GRXCR2: variants seen among roughly 807,000 people sequenced by gnomAD.
GRXCR2 encodes glutaredoxin domain-containing cysteine-rich protein 2.
GRXCR2 carries 23 observed loss-of-function variants against 24.8 expected under a neutral mutation model. The observed-to-expected ratio is 0.93, with a 90% CI of 0.67 to 1.32. GRXCR2 has a LOEUF of 1.32. Among genes scored for constraint, GRXCR2 ranks in the 40% most tolerant of loss-of-function variants. The pLI, the probability that GRXCR2 is intolerant of heterozygous loss-of-function variation, is 0.00. For synonymous variants in GRXCR2, 130 were observed against 116.1 expected (o/e 1.12, Z -0.77); for missense variants, 315 against 303.4 (o/e 1.04, Z -0.28).
chr5:145,890,754 C>G (rs562766778), intron 2 of GRXCR2, among the ~76,000 whole-genome samples: 1 of 151,424 alleles, frequency 6.6e-6, no homozygotes, highest in South Asian at 2.1e-4. Flanking sequence ...ATGATATGCT[C>G]AAAATTTCAC....
intron 2 of GRXCR2, among the ~76,000 whole-genome samples, chr5:145,920,433 C>G (rs1281032986): frequency 6.6e-6 from 1 of 152,216 alleles, no homozygotes; most frequent in Non-Finnish European, 1.5e-5. Context: ...TCACTGAATC[C>G]TCACAATGAC....
intron 2 of GRXCR2, among the ~76,000 whole-genome samples, chr5:145,864,029 A>T (rs757390048): frequency 2.0e-5 from 3 of 152,194 alleles, no homozygotes; most frequent in Non-Finnish European, 4.4e-5. Context: ...AGCAAACACC[A>T]ACCAAATAAT....
intron 2 of GRXCR2, among the ~76,000 whole-genome samples, chr5:145,878,059 C>T (rs1756645564): frequency 6.6e-6 from 1 of 152,116 alleles, no homozygotes; most frequent in South Asian, 2.1e-4. Context: ...CATCAAAGAC[C>T]AAAGGTAGAT....
At chr5:145,896,889 G>T (rs1026787952) in intron 2 of GRXCR2, among the ~76,000 whole-genome samples, 11 of 152,070 alleles carry the variant, frequency 7.2e-5, no homozygotes, top group African/African-American at 1.9e-4. Context: ...CAAGCCAAAT[G>T]TCCAAGAATG....
intron 2 of GRXCR2, among the ~76,000 whole-genome samples, chr5:145,861,554 C>T (rs530930001): frequency 2.0e-5 from 3 of 152,188 alleles, no homozygotes; most frequent in East Asian, 3.9e-4. Context: ...TACTGCCCCT[C>T]GCATGACAGG....
chr5:145,927,664 C>T (rs1456125565), intron 2 of GRXCR2, among the ~76,000 whole-genome samples: 1 of 152,098 alleles, frequency 6.6e-6, no homozygotes, highest in Non-Finnish European at 1.5e-5. Flanking sequence ...CATTGATGTT[C>T]ATCAGGGATA....
intron 2 of GRXCR2, among the ~76,000 whole-genome samples, chr5:145,892,500 A>T (rs1160825651): frequency 6.6e-6 from 1 of 152,238 alleles, no homozygotes; most frequent in South Asian, 2.1e-4. Flanking sequence ...AAGTCTCAGT[A>T]GCCAATTCAA....
At chr5:145,863,757 G>C (rs1395841307) in intron 2 of GRXCR2, among the ~76,000 whole-genome samples, 1 of 152,108 alleles carries the variant, frequency 6.6e-6, no homozygotes, top group Non-Finnish European at 1.5e-5. Context: ...CTCTGCCTGG[G>C]ATTACAAGCA....
chr5:145,866,289 T>G (rs1364733098), intron 2 of GRXCR2, among the ~76,000 whole-genome samples: 1 of 152,200 alleles, frequency 6.6e-6, no homozygotes, highest in African/African-American at 2.4e-5. Flanking sequence ...AATTAAAAAT[T>G]TAGAGTATCT....
At chr5:145,876,200 T>TATATATAC (rs1756612863), upstream of GRXCR2, among the ~76,000 whole-genome samples, 2 of 134,762 alleles carry the variant, frequency 1.5e-5, no homozygotes, top group African/African-American at 6.1e-5. Context: ...TGTATATATA[T>TATATATAC]ATATATATAT....
chr5:145,927,141 G>A (rs1181107027), intron 2 of GRXCR2, among the ~76,000 whole-genome samples: 2 of 152,040 alleles, frequency 1.3e-5, no homozygotes. Context: ...GAGACGATGG[G>A]GTTTTCTACA....
chr5:145,925,836 T>C (rs946043078), intron 2 of GRXCR2, among the ~76,000 whole-genome samples: 4 of 152,112 alleles, frequency 2.6e-5, no homozygotes, highest in African/African-American at 9.7e-5. Context: ...TCTTTTTTAA[T>C]AAGGGAAAAA....
At chr5:145,903,745 G>T (rs1009815808) in intron 2 of GRXCR2, among the ~76,000 whole-genome samples, 1 of 152,222 alleles carries the variant, frequency 6.6e-6, no homozygotes. Context: ...TGAAGACAAA[G>T]AATCTGGCCT....
rs1756557392 is a variant in GRXCR2 at position 145,872,889 on chromosome 5, T to G, written c.80A>C (p.Tyr27Ser). The G allele has an allele frequency of 7.4e-6, 12 of 1,614,190 alleles. No homozygotes were observed. The East Asian group carries it at 2.7e-4, about 36-fold the overall frequency. Residue 27 changes from tyrosine to serine, a missense_variant, in exon 1 of 3, where the codon TAC becomes TCC. Transcript: ENST00000377976. Reference protein sequence around the residue: ...RKVRFKISSSYSGRVLKQVFE... With the variant: ...RKVRFKISSSSSGRVLKQVFE... ...GACCTGCTTCAATACTCGACCGCTG[T>G]AGGAGGAGGAGATTTTAAATCGTAC...
chr5:145,878,889 T>A (rs1167352334), intron 2 of GRXCR2, among the ~76,000 whole-genome samples: 4 of 152,150 alleles, frequency 2.6e-5, no homozygotes, highest in African/African-American at 4.8e-5. Flanking sequence ...TGGGGGCCAA[T>A]ATTCAACATT....
rs185502479 is a variant in GRXCR2, at chr5:145,864,917, C to T, written c.564+1584G>A. 2.5e-4 allele frequency among the ~76,000 whole-genome samples: 38 copies of T among 152,066 alleles called. No individual in the cohort carries two copies. In the East Asian group the frequency reaches 7.3e-3, roughly 29 times the overall value. ...ATGGATGTGAGTGGAACTTTCAGAA[C>T]CTTTTGCTAGAGTCCCAGTTGCTTA... On this transcript the variant is annotated intron_variant, in intron 2 of 2. Coordinates refer to ENST00000377976, the MANE Select transcript of GRXCR2 (RefSeq NM_001080516.2).
At chr5:145,895,218 G>C (rs557890237) in intron 2 of GRXCR2, among the ~76,000 whole-genome samples, 31 of 151,878 alleles carry the variant, frequency 2.0e-4, no homozygotes, top group African/African-American at 5.3e-4. Context: ...CCTTTGAAAA[G>C]TGGCACAAGA....
At chr5:145,886,508 T>C (rs1756782107) in intron 2 of GRXCR2, among the ~76,000 whole-genome samples, 1 of 152,186 alleles carries the variant, frequency 6.6e-6, no homozygotes, top group South Asian at 2.1e-4. Flanking sequence ...TCACTTGAGA[T>C]TATTCTACTA....
intron 2 of GRXCR2, among the ~76,000 whole-genome samples, chr5:145,921,658 G>A (rs896613799): frequency 6.6e-6 from 1 of 152,152 alleles, no homozygotes; most frequent in African/African-American, 2.4e-5. Flanking sequence ...TTATAATAAT[G>A]TTATGAATGG....
Sources: allele counts gnomAD v4.1 joint callset (sites outside exome capture counted in the v4.1 genomes callset), GRCh38; gene constraint gnomAD v4.1.1; transcripts MANE v1.5; gene names NCBI Gene and HGNC (gene_info 2026-07-23, HGNC 2026-07-21).